ABCB1: variants seen among roughly 807,000 people sequenced by gnomAD.
ABCB1 encodes the protein ATP-dependent translocase ABCB1.
In ABCB1, 69 loss-of-function variants were observed where a neutral mutation model predicts 142.0. The ratio of observed to expected loss-of-function variants is 0.49; its 90% CI spans 0.40 to 0.59. ABCB1 has a LOEUF of 0.59. ABCB1 is among the 20% of genes least tolerant of loss of function. ABCB1 has a pLI of 0.00. For synonymous variants in ABCB1, 532 were observed against 539.2 expected (o/e 0.99, Z 0.18); for missense variants, 1,326 against 1,554.7 (o/e 0.85, Z 2.47).
chr7:87,576,253 T>C (rs1345100637), intron 4 of ABCB1, among the ~76,000 whole-genome samples: 2 of 151,878 alleles, frequency 1.3e-5, no homozygotes, highest in African/African-American at 4.8e-5. Context: ...AAAATATTAT[T>C]ATACCATATA....
At chr7:87,677,003 A>G (rs900917131) in intron 1 of ABCB1, among the ~76,000 whole-genome samples, 5 of 152,178 alleles carry the variant, frequency 3.3e-5, no homozygotes, top group Non-Finnish European at 7.3e-5. Context: ...TGTGGAGAAA[A>G]GGGAACCTTC....
At chr7:87,631,966 G>T (rs1821267528) in intron 1 of ABCB1, among the ~76,000 whole-genome samples, 1 of 152,102 alleles carries the variant, frequency 6.6e-6, no homozygotes, top group Non-Finnish European at 1.5e-5. Flanking sequence ...CCAAATATGA[G>T]CAGGGTAATA....
intron 1 of ABCB1, among the ~76,000 whole-genome samples, chr7:87,633,102 G>A (rs1821392264): frequency 6.6e-6 from 1 of 152,102 alleles, no homozygotes; most frequent in African/African-American, 2.4e-5. Context: ...AATTACATTA[G>A]CACCTCAGTT....
intron 1 of ABCB1, among the ~76,000 whole-genome samples, chr7:87,681,741 A>T (rs1207688061): frequency 7.2e-6 from 1 of 137,974 alleles, no homozygotes; most frequent in Non-Finnish European, 1.6e-5. Context: ...GGCTGGGCAC[A>T]GTGGCTTACA....
At chr7:87,612,228 G>C (rs1179861566) in intron 1 of ABCB1, among the ~76,000 whole-genome samples, 1 of 152,094 alleles carries the variant, frequency 6.6e-6, no homozygotes, top group African/African-American at 2.4e-5. Flanking sequence ...TTATTCTGAT[G>C]ATTGTTTCTT....
intron 1 of ABCB1, chr7:87,710,483 C>T (rs1019450105): frequency 1.4e-6 from 1 of 725,172 alleles, no homozygotes; most frequent in Non-Finnish European, 2.3e-6. Context: ...AATGGCTGTT[C>T]TTTACATATT....
At chr7:87,617,560 C>T (rs1820071017) in intron 1 of ABCB1, among the ~76,000 whole-genome samples, 2 of 152,182 alleles carry the variant, frequency 1.3e-5, no homozygotes, top group African/African-American at 4.8e-5. Context: ...CACATTACTG[C>T]CACCTATTAT....
chr7:87,579,248 T>C lies in ABCB1; in HGVS notation c.286+6264A>G, dbSNP rs560530827. ...CTTGTCTGATTGCCCTCGCTAGGAC[T>C]TTCAGTATTATGCTGAATAACTAGT... On this transcript the variant is annotated intron_variant, in intron 4 of 27. Transcript: ENST00000622132. Among the ~76,000 whole-genome samples, 18 of 152,332 alleles carry C rather than the reference T, an allele frequency of 1.2e-4. No homozygotes were observed. The South Asian group carries it at 1.2e-3, about 11-fold the overall frequency.
chr7:87,704,343 T>A (rs1191471537), intron 1 of ABCB1, among the ~76,000 whole-genome samples: 1 of 152,314 alleles, frequency 6.6e-6, no homozygotes, highest in East Asian at 1.9e-4. Context: ...TAAAAAGTAT[T>A]CTAGATGCTA....
At position 87,531,685 on chromosome 7, in the gene ABCB1, A is replaced by G. The variant is rs188915617; in HGVS notation, c.2482-188T>C. ...GAATTTCCATGACTTCAGAATGCTG[A>G]AAGTAGAATATCAACAATCTAGAGT... On this transcript the variant is annotated intron_variant, in intron 20 of 27. Transcript: ENST00000622132. 2.4e-5 allele frequency: 14 copies of G among 592,806 alleles called. No homozygotes were observed. In the East Asian group the frequency reaches 4.0e-4, roughly 17 times the overall value. 36.7% of individuals were successfully genotyped at this position (592,806 alleles called of 1,614,324 possible). A position where few individuals can be genotyped will look rare whatever the true frequency, so the allele number is the denominator to read the frequency against.
intron 18 of ABCB1, among the ~76,000 whole-genome samples, chr7:87,539,731 C>A (rs752884111): frequency 6.6e-5 from 10 of 152,184 alleles, no homozygotes; most frequent in Admixed American, 1.3e-4. Context: ...CATCTTTAGG[C>A]ATTTTGCTAT....
At position 87,550,846 on chromosome 7, in the gene ABCB1, A is replaced by T. The variant is rs575066383; in HGVS notation, c.1000-8T>A. The T allele has an allele frequency of 4.1e-5, 64 of 1,565,390 alleles. No individual in the cohort carries two copies. The African/African-American group carries it at 7.6e-4, about 18-fold the overall frequency. On this transcript the variant is annotated splice_polypyrimidine_tract_variant and splice_region_variant and intron_variant, in intron 9 of 27. Coordinates refer to ENST00000622132, the MANE Select transcript of ABCB1 (RefSeq NM_001348946.2). ...TAATACAGAAAAGAATACCTGAGGAATGTGAAGAAAAACCATCAGGCTACT... is the reference window on the plus strand; with the variant it reads ...TAATACAGAAAAGAATACCTGAGGATTGTGAAGAAAAACCATCAGGCTACT...
chr7:87,586,322 GAAGGA>G (rs1818752156), intron 3 of ABCB1, among the ~76,000 whole-genome samples: 1 of 152,162 alleles, frequency 6.6e-6, no homozygotes, highest in Admixed American at 6.5e-5. Flanking sequence ...CAGGTAACAG[GAAGGA>G]AAGAAAAGCT....
At chr7:87,661,649 T>G (rs1824728547) in intron 1 of ABCB1, among the ~76,000 whole-genome samples, 1 of 152,016 alleles carries the variant, frequency 6.6e-6, no homozygotes, top group Non-Finnish European at 1.5e-5. Flanking sequence ...TTACCACATT[T>G]TCTTTATTCA....
chr7:87,688,665 T>C (rs1827714551), intron 1 of ABCB1, among the ~76,000 whole-genome samples: 1 of 152,020 alleles, frequency 6.6e-6, no homozygotes, highest in Non-Finnish European at 1.5e-5. Flanking sequence ...CATTTGAGAC[T>C]TTATGATTTC....
chr7:87,517,005 G>A (rs533884769), intron 23 of ABCB1, among the ~76,000 whole-genome samples: 2 of 151,988 alleles, frequency 1.3e-5, no homozygotes, highest in African/African-American at 4.8e-5. Context: ...CAAAAGTGCC[G>A]GGATTATAGG....
chr7:87,543,686 T>A (rs1284766767), intron 17 of ABCB1, among the ~76,000 whole-genome samples: 1 of 152,174 alleles, frequency 6.6e-6, no homozygotes, highest in African/African-American at 2.4e-5. Flanking sequence ...GGATGAAAAT[T>A]ACATCTTACA....
rs201951511 is a variant in ABCB1 at position 87,515,314 on chromosome 7, C to T, written c.3199G>A (p.Ala1067Thr). 3 of 1,614,196 alleles carry T rather than the reference C, an allele frequency of 1.9e-6. No homozygotes were observed. ...CCACAGCCACTGCTGCCCACCAGAG[C>T]CAGCGTCTGGCCCTTCTTCACCTCC... Reference protein sequence around the residue: ...SLEVKKGQTLALVGSSGCGKS... With the variant: ...SLEVKKGQTLTLVGSSGCGKS... Residue 1067 changes from alanine to threonine, a missense_variant, in exon 25 of 28, where the codon GCT (alanine) becomes ACT (threonine). Ala to Thr is a moderately conservative substitution (Grantham distance 58). Transcript: ENST00000622132.
intron 1 of ABCB1, among the ~76,000 whole-genome samples, chr7:87,623,464 G>T (rs1044250773): frequency 2.0e-5 from 3 of 152,144 alleles, no homozygotes; most frequent in African/African-American, 7.2e-5. Flanking sequence ...GTCTGTCATA[G>T]CCTGTAATAC....
Sources: allele counts gnomAD v4.1 joint callset (sites outside exome capture counted in the v4.1 genomes callset), GRCh38; gene constraint gnomAD v4.1.1; transcripts MANE v1.5; gene names NCBI Gene and HGNC (gene_info 2026-07-23, HGNC 2026-07-21).